CD27: variants seen among roughly 807,000 people sequenced by gnomAD.
The protein encoded by CD27 is CD27 molecule.
In CD27, 16 loss-of-function variants were observed where a neutral mutation model predicts 25.9. The ratio of observed to expected loss-of-function variants is 0.62; its 90% CI spans 0.42 to 0.94. The LOEUF (loss-of-function observed/expected upper bound fraction) is 0.94, where lower values mean the gene tolerates loss of function less well. CD27 is among the 40% of genes least tolerant of loss of function. The pLI, the probability that CD27 is intolerant of heterozygous loss-of-function variation, is 0.00. For missense variants in CD27, 300 were observed against 333.2 expected, an observed-to-expected ratio of 0.90 and a Z score of 0.78; for synonymous variants, 142 against 124.3, an observed-to-expected ratio of 1.14 and a Z score of -0.95.
intron 2 of CD27, chr12:6,447,702 T>C (rs893340758): frequency 2.6e-5 from 4 of 152,186 alleles, no homozygotes; most frequent in Non-Finnish European, 5.9e-5. Flanking sequence ...GTTACATAGG[T>C]ATACATGTGC....
chr12:6,450,861 TCC>T lies in CD27; in HGVS notation c.539-31_539-30del. 1 of 1,613,560 alleles carries T rather than the reference TCC, an allele frequency of 6.2e-7. No homozygotes were observed. Among genetic ancestry groups the T allele is most frequent in the South Asian group, 1.1e-5 (1 of 91,040 alleles). ...GCTGAGGGAGCCAAGGGCTAGACCC[TCC>T]CCTAACCCCTGTGTGTCCCCTCCTA... On this transcript the variant is annotated intron_variant, in intron 4 of 5. Coordinates refer to ENST00000266557, the MANE Select transcript of CD27 (RefSeq NM_001242.5). The surrounding 1 kb of genome is among the most constrained non-coding windows in gnomAD (Gnocchi z 4.1).
chr12:6,445,024 A>G lies in CD27; in HGVS notation c.-72A>G, dbSNP rs1949392613. 1.4e-6 allele frequency: 2 copies of G among 1,477,144 alleles called. No homozygotes were observed. The highest frequency in any genetic ancestry group is 1.8e-6 in the Non-Finnish European group (2 of 1,113,950). The allele number at this position is 1,477,144 out of a possible 1,614,324, so 91.5% of individuals were successfully genotyped here. A position where few individuals can be genotyped will look rare whatever the true frequency, so the allele number is the denominator to read the frequency against. ...GTGCAAAGAAGAGACAGCAGCGCCC[A>G]GCTTGGAGGTGCTAACTCCAGAGGC... On this transcript the variant is annotated 5_prime_UTR_variant, in exon 1 of 6. Transcript: ENST00000266557. The surrounding 1 kb of genome is among the most constrained non-coding windows in gnomAD (Gnocchi z 4.5).
chr12:6,451,397 G>C lies in CD27; in HGVS notation c.*5G>C, dbSNP rs1949544946. On this transcript the variant is annotated 3_prime_UTR_variant, in exon 6 of 6. Coordinates refer to ENST00000266557, the MANE Select transcript of CD27 (RefSeq NM_001242.5). ...GAGCCTGCCTGCTCCCCCTGAGCCA[G>C]CACCTGCGGGAGCTGCACTACAGCC... is the stretch of plus-strand genomic sequence containing the variant. The C allele has an allele frequency of 1.9e-6, 3 of 1,611,976 alleles. No individual in the cohort carries two copies. The highest frequency in any genetic ancestry group is 3.7e-4 in the Middle Eastern group (2 of 5,358).
Position 6,450,836 on chromosome 12 carries a change from GC to G in CD27, c.539-58del. On this transcript the variant is annotated intron_variant, in intron 4 of 5. Coordinates refer to ENST00000266557, the MANE Select transcript of CD27 (RefSeq NM_001242.5). The surrounding 1 kb of genome is among the most constrained non-coding windows in gnomAD (Gnocchi z 4.1). The stretch of plus-strand genomic sequence containing the variant: ...AGAGGCAAGGTGACAGGAGGGCTGG[GC>G]TGAGGGAGCCAAGGGCTAGACCCTC... The G allele has an allele frequency of 1.2e-6, 2 of 1,609,190 alleles. No homozygotes were observed. Among genetic ancestry groups the G allele is most frequent in the Non-Finnish European group, 1.7e-6 (2 of 1,176,868 alleles).
In CD27 at chr12:6,451,317, C is replaced by T. The variant is rs1393495614; in HGVS notation, c.708C>T (p.Cys236=). ...CTGCAGAGCCTTGTCATTACAGCTG[C>T]CCCAGGGAGGAGGAGGGCAGCACCA... ...VEPAEPCHYS[C]PREEEGSTIP... Residue 236 remains cysteine (C), a synonymous_variant, in exon 6 of 6, where the codon TGC becomes TGT. Transcript: ENST00000266557. 4 of 1,613,922 alleles carry T rather than the reference C, an allele frequency of 2.5e-6. No individual in the cohort carries two copies. In the Admixed American group the frequency reaches 6.7e-5, roughly 27 times the overall value.
In CD27 at chr12:6,451,007, T is replaced by C. The variant is rs537450252; in HGVS notation, c.651T>C (p.Tyr217=). ...TGTTCCTCCATCAACGAAGGAAATA[T>C]AGATCAAGTAAGAGACAGAACACAG... ...GALFLHQRRK[Y]RSNKGESPVE... Residue 217 remains tyrosine, a synonymous_variant, in exon 5 of 6, where the codon TAT becomes TAC. Transcript: ENST00000266557. The C allele has an allele frequency of 1.7e-5, 27 of 1,614,054 alleles. No homozygotes were observed. The highest frequency in any genetic ancestry group is 2.2e-5 in the East Asian group (1 of 44,864).
Position 6,450,986 on chromosome 12 carries a change from C to T in CD27, c.630C>T (p.Phe210=). The part of the protein sequence containing the change: ...FLVFTLAGAL[F]LHQRRKYRSN... ...TTTTCACCCTGGCCGGGGCCCTGTT[C>T]CTCCATCAACGAAGGAAATATAGAT... The change falls in exon 5 of 6, where the codon TTC becomes TTT. Residue 210 remains phenylalanine, a synonymous_variant. Coordinates refer to ENST00000266557, the MANE Select transcript of CD27 (RefSeq NM_001242.5). The surrounding 1 kb of genome is among the most constrained non-coding windows in gnomAD (Gnocchi z 4.1). 2 of 1,614,116 alleles carry T rather than the reference C, an allele frequency of 1.2e-6. No homozygotes were observed. The highest frequency in any genetic ancestry group is 1.7e-6 in the Non-Finnish European group (2 of 1,179,986).
Position 6,450,946 on chromosome 12 carries a change from C to T in CD27, c.590C>T (p.Ser197Phe). ...SDFIRILVIF[S>F]GMFLVFTLAG... Reference sequence around the variant, plus strand: ...TTTATTCGCATCCTTGTGATCTTCTCTGGAATGTTCCTTGTTTTCACCCTG... The same window carrying T: ...TTTATTCGCATCCTTGTGATCTTCTTTGGAATGTTCCTTGTTTTCACCCTG... Residue 197 changes from serine (S) to phenylalanine (F), a missense_variant, in exon 5 of 6, where the codon TCT (serine) becomes TTT (phenylalanine). Transcript: ENST00000266557. The surrounding 1 kb of genome is among the most constrained non-coding windows in gnomAD (Gnocchi z 4.1). The T allele has an allele frequency of 1.2e-6, 2 of 1,614,158 alleles. No homozygotes were observed. The highest frequency in any genetic ancestry group is 1.7e-6 in the Non-Finnish European group (2 of 1,180,006).
At position 6,451,306 on chromosome 12, in the gene CD27, CAT is replaced by C; in HGVS notation, c.698_699del (p.His233LeufsTer89). ...ESPVEPAEPC[H>X]YSCPREEEGS... is the part of the protein sequence containing the mutation. ...TCCTGTGGAGCCTGCAGAGCCTTGTCATTACAGCTGCCCCAGGGAGGAGGAGG... is the reference window on the plus strand; with the variant it reads ...TCCTGTGGAGCCTGCAGAGCCTTGTCTACAGCTGCCCCAGGGAGGAGGAGG... On this transcript the variant is annotated frameshift_variant, in exon 6 of 6. Transcript: ENST00000266557. LOFTEE classifies it high-confidence loss of function. The C allele has an allele frequency of 6.2e-7, 1 of 1,613,984 alleles. No homozygotes were observed. Among genetic ancestry groups the C allele is most frequent in the African/African-American group, 1.3e-5 (1 of 75,012 alleles).
At chr12:6,446,776 TCACACA>T (rs35670100) in intron 2 of CD27, among the ~76,000 whole-genome samples, 7 of 148,510 alleles carry the variant, frequency 4.7e-5, no homozygotes, top group East Asian at 2.0e-4. Flanking sequence ...AAACCCTTTT[TCACACA>T]CACACACACA....
Position 6,450,045 on chromosome 12 carries a change from T to G in CD27, c.269-128T>G. 1 of 709,858 alleles carries G rather than the reference T, an allele frequency of 1.4e-6. No homozygotes were observed. Among genetic ancestry groups the G allele is most frequent in the Non-Finnish European group, 2.3e-6 (1 of 431,676 alleles). The allele number at this position is 709,858 out of a possible 1,614,324, so 44.0% of individuals were successfully genotyped here. ...AGCAAAGGGCAGGCCTTTGCAGGGG[T>G]GGGAATGGAAAGGGAAGCACGTCCC... On this transcript the variant is annotated intron_variant, in intron 2 of 5. Transcript: ENST00000266557. This position sits in a 1 kb window ranked among gnomAD's most constrained non-coding sequence, Gnocchi z 4.1.
rs202034916 is a variant in CD27, at chr12:6,450,243, G to C, written c.339G>C (p.Arg113Ser). 6.2e-7 allele frequency: 1 copy of C among 1,613,828 alleles called. No individual in the cohort carries two copies. Among genetic ancestry groups the C allele is most frequent in the Non-Finnish European group, 8.5e-7 (1 of 1,179,992 alleles). ...ECACRNGWQC[R>S]DKECTECDPL... ...CCTGTCGCAATGGCTGGCAGTGCAGGGACAAGGAGTGCACCGAGTGTGATC... is the reference window on the plus strand; with the variant it reads ...CCTGTCGCAATGGCTGGCAGTGCAGCGACAAGGAGTGCACCGAGTGTGATC... The change falls in exon 3 of 6, where the codon AGG (arginine) becomes AGC (serine). Residue 113 changes from arginine to serine, a missense_variant. Coordinates refer to ENST00000266557, the MANE Select transcript of CD27 (RefSeq NM_001242.5). This position sits in a 1 kb window ranked among gnomAD's most constrained non-coding sequence, Gnocchi z 4.1.
chr12:6,451,199 A>G, intron 5 of CD27, 69 bp from the exon 6 acceptor site: 9 of 1,585,288 alleles, frequency 5.7e-6, no homozygotes, highest in Non-Finnish European at 7.7e-6. Flanking sequence ...ACCCGCCTCT[A>G]CCCATCTCCT....
In CD27 at chr12:6,450,258, C is replaced by T. The variant is rs149051653; in HGVS notation, c.354C>T (p.Thr118=). The T allele has an allele frequency of 4.0e-5, 65 of 1,613,732 alleles. No homozygotes were observed. The East Asian group carries it at 1.4e-3, about 34-fold the overall frequency. The change falls in exon 3 of 6, where the codon ACC becomes ACT. Residue 118 remains threonine, a synonymous_variant. Coordinates refer to ENST00000266557, the MANE Select transcript of CD27 (RefSeq NM_001242.5). This position sits in a 1 kb window ranked among gnomAD's most constrained non-coding sequence, Gnocchi z 4.1. ...NGWQCRDKEC[T]ECDPLPNPSL... is the part of the protein sequence containing the mutation. ...GGCAGTGCAGGGACAAGGAGTGCAC[C>T]GAGTGTGATCCTCTTCCAAACCCTT...
chr12:6,450,851 G>A lies in CD27; in HGVS notation c.539-44G>A, dbSNP rs201302819. Reference sequence around the variant, plus strand: ...GGAGGGCTGGGCTGAGGGAGCCAAGGGCTAGACCCTCCCCTAACCCCTGTG... The same window carrying A: ...GGAGGGCTGGGCTGAGGGAGCCAAGAGCTAGACCCTCCCCTAACCCCTGTG... On this transcript the variant is annotated intron_variant, in intron 4 of 5. Coordinates refer to ENST00000266557, the MANE Select transcript of CD27 (RefSeq NM_001242.5). The surrounding 1 kb of genome is among the most constrained non-coding windows in gnomAD (Gnocchi z 4.1). 2.7e-4 allele frequency: 437 copies of A among 1,613,118 alleles called. 4 individuals are homozygous for A. The highest frequency in any genetic ancestry group is 6.7e-5 in the Admixed American group (4 of 59,984).
At chr12:6,447,192 A>G (rs1949428701) in intron 2 of CD27, 1 of 152,194 alleles carries the variant, frequency 6.6e-6, no homozygotes, top group Non-Finnish European at 1.5e-5. Context: ...CTTAACTTAA[A>G]AATGTAACTG....
At chr12:6,447,878 A>G (rs1386461372) in intron 2 of CD27, 1 of 151,418 alleles carries the variant, frequency 6.6e-6, no homozygotes, top group Non-Finnish European at 1.5e-5. Flanking sequence ...GTGAGAACAC[A>G]TTGTTTTTAA....
upstream of CD27, among the ~76,000 whole-genome samples, chr12:6,444,017 AGAG>A (rs1454611168): frequency 2.6e-5 from 4 of 152,220 alleles, no homozygotes; most frequent in Non-Finnish European, 4.4e-5. Flanking sequence ...AAAATAAAAA[AGAG>A]ATGACCCCCG....
intron 5 of CD27, 41 bp from the exon 6 acceptor site, chr12:6,451,227 C>T (rs1445651865): frequency 1.2e-6 from 2 of 1,604,748 alleles, no homozygotes; most frequent in Non-Finnish European, 1.7e-6. Flanking sequence ...TCTCCCCCTG[C>T]CCCCACTGCT....
Sources: allele counts gnomAD v4.1 joint callset (sites outside exome capture counted in the v4.1 genomes callset), GRCh38; gene constraint gnomAD v4.1.1; non-coding constraint Gnocchi (gnomAD v3.1); transcripts MANE v1.5; gene names NCBI Gene and HGNC (gene_info 2026-07-23, HGNC 2026-07-21).